Variants in PRKN observed in about 807,000 individuals in gnomAD.
The protein encoded by PRKN is E3 ubiquitin-protein ligase parkin.
A neutral mutation model predicts 59.5 loss-of-function variants in PRKN; 56 were observed. The observed-to-expected ratio is 0.94, with a 90% CI of 0.76 to 1.18. The LOEUF (loss-of-function observed/expected upper bound fraction) is 1.18. Among genes scored for constraint, PRKN ranks in the 50% most tolerant of loss-of-function variants. PRKN has a pLI of 0.00. For missense variants in PRKN, 657 were observed against 596.4 expected (o/e 1.10, Z -1.06); for synonymous variants, 250 against 222.1 (o/e 1.13, Z -1.12).
intron 1 of PRKN, among the ~76,000 whole-genome samples, chr6:162,499,574 CAATT>C (rs1793268063): frequency 6.6e-6 from 1 of 152,160 alleles, no homozygotes. Context: ...AGAGAACAGA[CAATT>C]AACTGGAATT....
chr6:162,041,088 G>A (rs912390880), intron 5 of PRKN, among the ~76,000 whole-genome samples: 1 of 152,082 alleles, frequency 6.6e-6, no homozygotes, highest in East Asian at 1.9e-4. Context: ...GGGAGGCTGA[G>A]GCAGGAGAAT....
intron 1 of PRKN, among the ~76,000 whole-genome samples, chr6:162,701,040 G>A (rs114145495): frequency 7.0e-4 from 107 of 152,106 alleles, no homozygotes; most frequent in African/African-American, 2.4e-3. Context: ...GTAAAGGCTC[G>A]GCTCTGGACT....
intron 9 of PRKN, among the ~76,000 whole-genome samples, chr6:161,479,414 T>G (rs1280445422): frequency 6.6e-6 from 1 of 152,224 alleles, no homozygotes; most frequent in Non-Finnish European, 1.5e-5. Context: ...TTATGTTAAC[T>G]TTCTACTTTT....
At chr6:162,238,028 C>T (rs1272313160) in intron 3 of PRKN, among the ~76,000 whole-genome samples, 1 of 152,150 alleles carries the variant, frequency 6.6e-6, no homozygotes, top group African/African-American at 2.4e-5. Context: ...GCACTCCTCT[C>T]AATATCCTCA....
chr6:161,646,631 G>A (rs1298651564), intron 7 of PRKN, among the ~76,000 whole-genome samples: 1 of 152,190 alleles, frequency 6.6e-6, no homozygotes, highest in Non-Finnish European at 1.5e-5. Context: ...TAGTCACTGC[G>A]TTCATACGCG....
chr6:161,632,769 C>T (rs1027603488), intron 7 of PRKN, among the ~76,000 whole-genome samples: 11 of 152,136 alleles, frequency 7.2e-5, no homozygotes, highest in African/African-American at 1.4e-4. Context: ...CTTCTTCACA[C>T]GGAGGCAGCA....
intron 4 of PRKN, among the ~76,000 whole-genome samples, chr6:162,172,843 T>G (rs572759880): frequency 2.0e-5 from 3 of 152,090 alleles, no homozygotes; most frequent in Non-Finnish European, 4.4e-5. Context: ...GGTATCTCCA[T>G]GAAATCTAAC....
At chr6:162,676,085 G>A (rs1779531703) in intron 1 of PRKN, among the ~76,000 whole-genome samples, 3 of 152,160 alleles carry the variant, frequency 2.0e-5, no homozygotes, top group South Asian at 4.1e-4. Flanking sequence ...GATGGAGGTC[G>A]TCTAAGCTTT....
At chr6:162,228,371 T>C (rs147693405) in intron 3 of PRKN, among the ~76,000 whole-genome samples, 2 of 152,180 alleles carry the variant, frequency 1.3e-5, no homozygotes, top group African/African-American at 4.8e-5. Context: ...GATGTTACAG[T>C]TGGTCAACCA....
intron 7 of PRKN, among the ~76,000 whole-genome samples, chr6:161,747,494 T>C (rs1040124283): frequency 1.3e-5 from 2 of 152,008 alleles, no homozygotes; most frequent in South Asian, 2.1e-4. Flanking sequence ...GACTTCAGAG[T>C]TGACTCATGA....
chr6:162,563,333 A>T (rs1198272997), intron 1 of PRKN, among the ~76,000 whole-genome samples: 1 of 151,970 alleles, frequency 6.6e-6, no homozygotes, highest in Non-Finnish European at 1.5e-5. Context: ...AAAAAAAACA[A>T]AAAAAGAGAA....
intron 1 of PRKN, among the ~76,000 whole-genome samples, chr6:162,672,258 T>C (rs1242602594): frequency 1.3e-5 from 2 of 152,180 alleles, no homozygotes; most frequent in African/African-American, 4.8e-5. Flanking sequence ...AAAAGGTGCT[T>C]CCTGGAAATT....
intron 5 of PRKN, among the ~76,000 whole-genome samples, chr6:162,006,663 T>A (rs952104285): frequency 2.0e-5 from 3 of 152,146 alleles, no homozygotes; most frequent in African/African-American, 7.2e-5. Context: ...GCTGTCTCAT[T>A]AGCCGAGAGA....
intron 2 of PRKN, among the ~76,000 whole-genome samples, chr6:162,385,581 AC>A (rs1296814754): frequency 6.6e-6 from 1 of 152,054 alleles, no homozygotes; most frequent in Non-Finnish European, 1.5e-5. Flanking sequence ...AAATAACTTG[AC>A]TGCGCGCTAT....
At chr6:162,521,199 C>T (rs939621189) in intron 1 of PRKN, among the ~76,000 whole-genome samples, 1 of 152,142 alleles carries the variant, frequency 6.6e-6, no homozygotes, top group Non-Finnish European at 1.5e-5. Flanking sequence ...TTTCTATCTA[C>T]ACTCATTTCA....
chr6:162,334,325 C>T (rs1228834988), intron 2 of PRKN, among the ~76,000 whole-genome samples: 6 of 152,158 alleles, frequency 3.9e-5, no homozygotes, highest in African/African-American at 1.4e-4. Flanking sequence ...CAATGCATGG[C>T]TTCAAAACTT....
intron 9 of PRKN, among the ~76,000 whole-genome samples, chr6:161,438,309 C>T (rs1789025076): frequency 6.6e-6 from 1 of 150,400 alleles, no homozygotes; most frequent in South Asian, 2.1e-4. Flanking sequence ...CCTCCGCCTC[C>T]TGGGTTCAAG....
chr6:162,569,333 C>A, intron 1 of PRKN: 1 of 623,698 alleles, frequency 1.6e-6, no homozygotes, highest in Admixed American at 1.9e-5. Context: ...CAACACCAAG[C>A]TGTCCAAGCT....
intron 11 of PRKN, among the ~76,000 whole-genome samples, chr6:161,350,586 AATAT>A (rs886868591): frequency 7.6e-5 from 10 of 131,500 alleles, no homozygotes; most frequent in South Asian, 6.5e-4. Context: ...AAAATATATA[AATAT>A]ATTTTTATAT....
Sources: allele counts gnomAD v4.1 joint callset (sites outside exome capture counted in the v4.1 genomes callset), GRCh38; gene constraint gnomAD v4.1.1; transcripts MANE v1.5; gene names NCBI Gene and HGNC (gene_info 2026-07-23, HGNC 2026-07-21).